MCC: variants seen among roughly 807,000 people sequenced by gnomAD.
The protein encoded by MCC is colorectal mutant cancer protein.
MCC carries 90 observed loss-of-function variants against 116.2 expected under a neutral mutation model. The observed-to-expected ratio is 0.77, with a 90% confidence interval of 0.65 to 0.92. MCC has a LOEUF of 0.92. Among genes scored for constraint, MCC ranks in the 40% least tolerant of loss-of-function variants. The pLI, the probability that MCC is intolerant of heterozygous loss-of-function variation, is 0.00. For missense variants in MCC, 1,516 were observed against 1,312.2 expected, an observed-to-expected ratio of 1.16 and a Z score of -2.40; for synonymous variants, 578 against 510.5, an observed-to-expected ratio of 1.13 and a Z score of -1.78.
intron 1 of MCC, among the ~76,000 whole-genome samples, chr5:113,386,685 A>G (rs1471557955): frequency 6.6e-6 from 1 of 151,590 alleles, no homozygotes; most frequent in Non-Finnish European, 1.5e-5. Flanking sequence ...CATGTTTTAT[A>G]AAGAATTTTT....
At chr5:113,264,440 T>G (rs1765339527) in intron 3 of MCC, among the ~76,000 whole-genome samples, 1 of 152,208 alleles carries the variant, frequency 6.6e-6, no homozygotes, top group South Asian at 2.1e-4. Context: ...TTAGTTAGGA[T>G]GCTGGCCAAC....
intron 3 of MCC, among the ~76,000 whole-genome samples, chr5:113,164,860 A>G (rs1760688494): frequency 1.3e-5 from 2 of 152,234 alleles, no homozygotes; most frequent in South Asian, 4.1e-4. Flanking sequence ...TGGAAAGGCC[A>G]TTGGTACCAG....
chr5:113,257,727 T>C (rs1274046122), intron 3 of MCC, among the ~76,000 whole-genome samples: 1 of 151,962 alleles, frequency 6.6e-6, no homozygotes, highest in African/African-American at 2.4e-5. Flanking sequence ...TGCTGGGATG[T>C]GGGTGTGTGA....
intron 3 of MCC, among the ~76,000 whole-genome samples, chr5:113,166,808 G>A (rs1286925951): frequency 6.6e-6 from 1 of 151,954 alleles, no homozygotes; most frequent in Non-Finnish European, 1.5e-5. Flanking sequence ...TTGCTCAGAG[G>A]TAAGGAGAAC....
chr5:113,430,610 C>T (rs551545296), intron 1 of MCC, among the ~76,000 whole-genome samples: 7 of 152,204 alleles, frequency 4.6e-5, no homozygotes, highest in African/African-American at 1.7e-4. Flanking sequence ...TTGAAATGTT[C>T]TAGTGGGAAT....
chr5:113,388,583 C>T (rs895956943), intron 1 of MCC, among the ~76,000 whole-genome samples: 1 of 152,168 alleles, frequency 6.6e-6, no homozygotes, highest in Non-Finnish European at 1.5e-5. Context: ...CCTCCTCCCC[C>T]ACCTTGCTCC....
At chr5:113,341,371 C>A (rs767983773) in intron 2 of MCC, among the ~76,000 whole-genome samples, 2 of 151,822 alleles carry the variant, frequency 1.3e-5, no homozygotes, top group Admixed American at 6.6e-5. Flanking sequence ...TTTTGTAGAC[C>A]TCATTTCTAT....
At position 113,260,839 on chromosome 5, in the gene MCC, G is replaced by T. The variant is rs1765195857; in HGVS notation, c.627+79680C>A. Among the ~76,000 whole-genome samples the T allele has an allele frequency of 2.0e-5, 3 of 151,992 alleles. No homozygotes were observed. In the South Asian group the frequency reaches 6.2e-4, roughly 32 times the overall value. Reference sequence around the variant, plus strand: ...GTACTGGGAAGCTGTCAAGCACAGGGTTGCAAATATGAGTTTTCCAAAATT... The same window carrying T: ...GTACTGGGAAGCTGTCAAGCACAGGTTTGCAAATATGAGTTTTCCAAAATT... On this transcript the variant is annotated intron_variant, in intron 3 of 18. Transcript: ENST00000408903.
At chr5:113,125,858 A>G (rs534346303) in intron 5 of MCC, among the ~76,000 whole-genome samples, 22 of 152,340 alleles carry the variant, frequency 1.4e-4, no homozygotes, top group South Asian at 4.1e-4. Flanking sequence ...TTCTCAAGCA[A>G]TAACTTATTT....
At chr5:113,051,656 C>T (rs1042868978) in intron 15 of MCC, among the ~76,000 whole-genome samples, 11 of 152,062 alleles carry the variant, frequency 7.2e-5, no homozygotes, top group South Asian at 6.2e-4. Context: ...AGCCCAAGGG[C>T]GAGGCTATAG....
Position 113,313,620 on chromosome 5 carries a change from G to T in MCC, c.627+26899C>A, listed in dbSNP as rs549712007. 2.0e-5 allele frequency among the ~76,000 whole-genome samples: 3 copies of T among 152,208 alleles called. No individual in the cohort carries two copies. The East Asian group carries it at 5.8e-4, about 29-fold the overall frequency. On this transcript the variant is annotated intron_variant, in intron 3 of 18. Coordinates refer to ENST00000408903, the MANE Select transcript of MCC (RefSeq NM_001085377.2). ...AATGCAGGAGTCACAGATCAGTATTGGCCTTCAGCTATTTTCTTGGGTTCC... is the reference window on the plus strand; with the variant it reads ...AATGCAGGAGTCACAGATCAGTATTTGCCTTCAGCTATTTTCTTGGGTTCC...
chr5:113,054,615 C>T (rs535051789), intron 14 of MCC, among the ~76,000 whole-genome samples: 1 of 152,284 alleles, frequency 6.6e-6, no homozygotes, highest in East Asian at 1.9e-4. Flanking sequence ...CAACATGTAC[C>T]ATGAAAAACA....
At chr5:113,456,026 T>C (rs1374112832) in intron 1 of MCC, among the ~76,000 whole-genome samples, 4 of 152,268 alleles carry the variant, frequency 2.6e-5, no homozygotes, top group Admixed American at 6.5e-5. Flanking sequence ...GGTTAAATTA[T>C]GTAATATTTG....
intron 2 of MCC, among the ~76,000 whole-genome samples, chr5:113,363,177 T>C (rs552387721): frequency 6.6e-6 from 1 of 152,136 alleles, no homozygotes; most frequent in Non-Finnish European, 1.5e-5. Context: ...TTCAGGAGGC[T>C]GAGGCAGGAG....
At chr5:113,253,131 T>C (rs543839270) in intron 3 of MCC, among the ~76,000 whole-genome samples, 2 of 152,286 alleles carry the variant, frequency 1.3e-5, no homozygotes, top group East Asian at 1.9e-4. Context: ...TAAAGATTCG[T>C]ATAGGTCAGA....
intron 3 of MCC, among the ~76,000 whole-genome samples, chr5:113,222,357 A>G (rs1410234015): frequency 6.6e-6 from 1 of 152,172 alleles, no homozygotes; most frequent in African/African-American, 2.4e-5. Flanking sequence ...TCACAAAGAT[A>G]TTGTATTGCT....
At chr5:113,424,277 CAAA>C (rs918804867) in intron 1 of MCC, among the ~76,000 whole-genome samples, 1 of 148,534 alleles carries the variant, frequency 6.7e-6, no homozygotes, top group Non-Finnish European at 1.5e-5. Flanking sequence ...ATAAAAGAGA[CAAA>C]AAAAATTAAA....
chr5:113,071,273 A>C, intron 11 of MCC, 39 bp from the exon 12 acceptor site: 1 of 1,597,432 alleles, frequency 6.3e-7, no homozygotes, highest in Non-Finnish European at 8.5e-7. Context: ...CTAGGGTTAC[A>C]GTTAATTTGC....
chr5:113,045,979 TGACCCCTTCTCTA>T (rs1333428524), intron 16 of MCC, among the ~76,000 whole-genome samples: 1 of 152,080 alleles, frequency 6.6e-6, no homozygotes, highest in Non-Finnish European at 1.5e-5. Context: ...AGAAAAGTGC[TGACCCCTTCTCTA>T]GATGCTCGCC....
Sources: gnomAD v4.1 joint callset for allele counts (sites outside exome capture counted in the v4.1 genomes callset) on GRCh38, gnomAD v4.1.1 for gene constraint, MANE v1.5 for transcripts, NCBI Gene and HGNC (gene_info 2026-07-23, HGNC 2026-07-21) for gene names.